Variants in CNTNAP2 observed in about 807,000 individuals in gnomAD.
CNTNAP2 encodes the protein contactin associated protein 2.
CNTNAP2 carries 98 observed loss-of-function variants against 155.2 expected under a neutral mutation model. That is an observed-to-expected ratio of 0.63 (90% confidence interval 0.54 to 0.75). The LOEUF (loss-of-function observed/expected upper bound fraction) is 0.75. Ranked by LOEUF, CNTNAP2 falls within the 30% of genes least tolerant of loss-of-function variation. The probability of loss-of-function intolerance (pLI) is 0.00; values close to 1 mark genes in which losing one functional copy is unlikely to be tolerated. For synonymous variants in CNTNAP2, 651 were observed against 631.2 expected, an observed-to-expected ratio of 1.03 and a Z score of -0.47; for missense variants, 1,727 against 1,688.1, an observed-to-expected ratio of 1.02 and a Z score of -0.40.
At chr7:146,762,962 C>T (rs112707389) in intron 1 of CNTNAP2, among the ~76,000 whole-genome samples, 6 of 151,782 alleles carry the variant, frequency 4.0e-5, no homozygotes, top group Middle Eastern at 3.2e-3. Flanking sequence ...AATTCAGATG[C>T]GATTTGGGTG....
intron 11 of CNTNAP2, among the ~76,000 whole-genome samples, chr7:147,554,598 A>G: frequency 6.6e-6 from 1 of 151,048 alleles, no homozygotes; most frequent in Non-Finnish European, 1.5e-5. Flanking sequence ...TGTCTTTTTT[A>G]AAAAAATCCT....
intron 21 of CNTNAP2, among the ~76,000 whole-genome samples, chr7:148,368,742 G>A (rs534979178): frequency 1.1e-4 from 17 of 152,330 alleles, no homozygotes; most frequent in South Asian, 4.1e-4. Context: ...AGGGGGTTCC[G>A]TGTGAGAGGG....
intron 15 of CNTNAP2, among the ~76,000 whole-genome samples, chr7:148,046,790 A>G (rs1222926431): frequency 1.3e-5 from 2 of 152,256 alleles, no homozygotes; most frequent in Non-Finnish European, 2.9e-5. Flanking sequence ...GAAGAGTTAT[A>G]TAATCTCTAT....
intron 1 of CNTNAP2, among the ~76,000 whole-genome samples, chr7:146,396,947 G>A (rs34079621): frequency 0.22 from 33,695 of 151,888 alleles, 4,658 homozygotes; most frequent in Admixed American, 0.39. Context: ...GAGAAGCATA[G>A]CAATTTACTT....
At chr7:148,245,434 G>A (rs889408270) in intron 20 of CNTNAP2, among the ~76,000 whole-genome samples, 2 of 152,216 alleles carry the variant, frequency 1.3e-5, no homozygotes, top group Admixed American at 6.5e-5. Flanking sequence ...CTGATGTGGA[G>A]GAGGATGAAG....
chr7:146,474,999 ACGCGCGCGCG>A (rs549568997), intron 1 of CNTNAP2, among the ~76,000 whole-genome samples: 5 of 138,510 alleles, frequency 3.6e-5, no homozygotes, highest in African/African-American at 1.0e-4. Context: ...ACGAGCGCGC[ACGCGCGCGCG>A]CGCGCACACA....
intron 10 of CNTNAP2, among the ~76,000 whole-genome samples, chr7:147,415,876 C>T (rs1028063315): frequency 2.0e-5 from 3 of 152,140 alleles, no homozygotes; most frequent in African/African-American, 7.2e-5. Context: ...GCATGGTCAC[C>T]TTACCTAATA....
chr7:148,010,235 T>C (rs1382811191), intron 15 of CNTNAP2, among the ~76,000 whole-genome samples: 1 of 151,484 alleles, frequency 6.6e-6, no homozygotes, highest in Non-Finnish European at 1.5e-5. Flanking sequence ...TATATTAATA[T>C]ATATTATTTA....
chr7:146,772,872 CA>C (rs1408132974), intron 1 of CNTNAP2, among the ~76,000 whole-genome samples: 1 of 152,126 alleles, frequency 6.6e-6, no homozygotes, highest in Non-Finnish European at 1.5e-5. Context: ...ACAGCAGCCA[CA>C]AGTTCACTTA....
At chr7:148,369,671 AT>A (rs1428384422) in intron 21 of CNTNAP2, among the ~76,000 whole-genome samples, 6 of 148,694 alleles carry the variant, frequency 4.0e-5, no homozygotes, top group Non-Finnish European at 7.4e-5. Context: ...TATTATTATT[AT>A]TATTATTACT....
At position 146,326,618 on chromosome 7, in the gene CNTNAP2, C is replaced by T. The variant is rs78268245; in HGVS notation, c.97+209645C>T. On this transcript the variant is annotated intron_variant, in intron 1 of 23. Transcript: ENST00000361727. ...GTGTATGTTGATGACACACCACAGC[C>T]GCAGGAAGCTATTAAAGTGCATAGA... 6.6e-5 allele frequency among the ~76,000 whole-genome samples: 10 copies of T among 152,238 alleles called. No homozygotes were observed. In the East Asian group the frequency reaches 1.4e-3, roughly 21 times the overall value.
intron 13 of CNTNAP2, among the ~76,000 whole-genome samples, chr7:147,787,738 A>G (rs1797760891): frequency 1.3e-5 from 2 of 152,186 alleles, no homozygotes; most frequent in African/African-American, 4.8e-5. Context: ...GACTTTTTTC[A>G]TTTTATAATA....
chr7:147,242,257 C>A (rs1255252592), intron 8 of CNTNAP2, among the ~76,000 whole-genome samples: 3 of 152,178 alleles, frequency 2.0e-5, no homozygotes, highest in African/African-American at 7.2e-5. Flanking sequence ...TTCTCTGACA[C>A]AAGTTTGTTA....
intron 1 of CNTNAP2, among the ~76,000 whole-genome samples, chr7:146,493,104 A>T (rs1797163612): frequency 6.6e-6 from 1 of 152,216 alleles, no homozygotes; most frequent in African/African-American, 2.4e-5. Flanking sequence ...TTTCTAACTT[A>T]CTTTCCTTGA....
chr7:147,865,837 G>A (rs994872765), intron 13 of CNTNAP2, among the ~76,000 whole-genome samples: 2 of 151,946 alleles, frequency 1.3e-5, no homozygotes, highest in Non-Finnish European at 2.9e-5. Context: ...TCTTGCTAGT[G>A]GTCTATCAAT....
At chr7:147,839,699 A>C (rs1200522231) in intron 13 of CNTNAP2, among the ~76,000 whole-genome samples, 3 of 152,174 alleles carry the variant, frequency 2.0e-5, no homozygotes, top group Admixed American at 2.0e-4. Context: ...CAATGAACTG[A>C]AAACAGAACT....
At chr7:148,367,092 G>A (rs988737590) in intron 21 of CNTNAP2, among the ~76,000 whole-genome samples, 10 of 152,166 alleles carry the variant, frequency 6.6e-5, no homozygotes, top group Admixed American at 3.3e-4. Context: ...TTAGCTGGGC[G>A]CGGTGGTGCA....
chr7:148,372,840 AAC>A (rs1181608212), intron 21 of CNTNAP2, among the ~76,000 whole-genome samples: 1 of 152,230 alleles, frequency 6.6e-6, no homozygotes, highest in Non-Finnish European at 1.5e-5. Context: ...TTAAAACACA[AAC>A]ACATTATACA....
At chr7:147,178,575 G>C (rs1802394638) in intron 8 of CNTNAP2, among the ~76,000 whole-genome samples, 1 of 152,142 alleles carries the variant, frequency 6.6e-6, no homozygotes, top group Non-Finnish European at 1.5e-5. Flanking sequence ...GATACTTAAA[G>C]ATAGAAAGAA....
Sources: gnomAD v4.1 joint callset for allele counts (sites outside exome capture counted in the v4.1 genomes callset) on GRCh38, gnomAD v4.1.1 for gene constraint, MANE v1.5 for transcripts, NCBI Gene and HGNC (gene_info 2026-07-23, HGNC 2026-07-21) for gene names.